The following PRKN variants were observed in gnomAD, a reference collection of about 807,000 sequenced individuals.
PRKN encodes E3 ubiquitin-protein ligase parkin.
PRKN carries 56 observed loss-of-function variants against 59.5 expected under a neutral mutation model. The ratio of observed to expected loss-of-function variants is 0.94; its 90% CI spans 0.76 to 1.18. The LOEUF is 1.18. Among genes scored for constraint, PRKN ranks in the 50% most tolerant of loss-of-function variants. The pLI, the probability that PRKN is intolerant of heterozygous loss-of-function variation, is 0.00. For synonymous variants in PRKN, 250 were observed against 222.1 expected, an observed-to-expected ratio of 1.13 and a Z score of -1.12; for missense variants, 657 against 596.4, an observed-to-expected ratio of 1.10 and a Z score of -1.06.
intron 4 of PRKN, among the ~76,000 whole-genome samples, chr6:162,088,601 C>T (rs1779351641): frequency 1.3e-5 from 2 of 151,980 alleles, no homozygotes; most frequent in South Asian, 4.1e-4. Context: ...TAAGATTATA[C>T]CAACAAATAG....
chr6:162,211,474 T>C (rs1785194625), intron 3 of PRKN, among the ~76,000 whole-genome samples: 1 of 152,200 alleles, frequency 6.6e-6, no homozygotes, highest in Admixed American at 6.5e-5. Context: ...ATTTCTTTTT[T>C]ATTTTTACAG....
At chr6:162,074,422 T>C (rs989162968) in intron 4 of PRKN, among the ~76,000 whole-genome samples, 9 of 146,362 alleles carry the variant, frequency 6.1e-5, no homozygotes, top group African/African-American at 1.0e-4. Context: ...TAGGTGGGAA[T>C]TGAACAATGA....
intron 6 of PRKN, among the ~76,000 whole-genome samples, chr6:161,791,287 T>C (rs1037017248): frequency 2.0e-5 from 3 of 152,354 alleles, no homozygotes; most frequent in Non-Finnish European, 2.9e-5. Context: ...TTGAAGGAGT[T>C]TGAGTTACAA....
At chr6:161,515,245 G>C (rs475158) in intron 9 of PRKN, among the ~76,000 whole-genome samples, 99,877 of 151,972 alleles carry the variant, frequency 0.66, 32,857 homozygotes, top group Middle Eastern at 0.72. Context: ...CCCCCTTCCT[G>C]TTATCTGAAA....
intron 7 of PRKN, among the ~76,000 whole-genome samples, chr6:161,750,226 T>A (rs1788630460): frequency 6.6e-6 from 1 of 152,066 alleles, no homozygotes; most frequent in South Asian, 2.1e-4. Context: ...CATAGATATG[T>A]TGAGATTTTT....
intron 2 of PRKN, among the ~76,000 whole-genome samples, chr6:162,367,751 T>C (rs1236682411): frequency 1.3e-5 from 2 of 151,978 alleles, no homozygotes; most frequent in East Asian, 3.9e-4. Context: ...TGTTACAAAA[T>C]GTTAGCAGAG....
intron 5 of PRKN, among the ~76,000 whole-genome samples, chr6:162,011,251 A>AGT (rs1234947995): frequency 2.9e-5 from 3 of 101,934 alleles, no homozygotes; most frequent in African/African-American, 7.7e-5. Flanking sequence ...TAATATATAT[A>AGT]ATATAGTATA....
intron 2 of PRKN, among the ~76,000 whole-genome samples, chr6:162,416,643 T>C (rs1788641854): frequency 6.6e-6 from 1 of 152,244 alleles, no homozygotes; most frequent in South Asian, 2.1e-4. Context: ...TTCTAGACTA[T>C]TCCTGTAGTT....
chr6:162,124,913 A>G (rs958690692), intron 4 of PRKN, among the ~76,000 whole-genome samples: 6 of 152,192 alleles, frequency 3.9e-5, no homozygotes, highest in African/African-American at 9.7e-5. Flanking sequence ...ACTAAGAAGG[A>G]ATGAAATCCC....
chr6:162,006,497 G>T (rs1782260146), intron 5 of PRKN, among the ~76,000 whole-genome samples: 1 of 152,106 alleles, frequency 6.6e-6, no homozygotes, highest in African/African-American at 2.4e-5. Context: ...CATTCCACTT[G>T]GAAAACACAA....
chr6:162,470,584 C>G lies in PRKN; in HGVS notation c.8-27111G>C, dbSNP rs1034216495. ...CCAGCCTAGGCAACACTGCGAAACT[C>G]TGTCTCAAAAAAAAGTATGCTTGTG... On this transcript the variant is annotated intron_variant, in intron 1 of 11. Transcript: ENST00000366898. Among the ~76,000 whole-genome samples, 8 of 148,130 alleles carry G rather than the reference C, an allele frequency of 5.4e-5. No individual in the cohort carries two copies. The South Asian group carries it at 1.7e-3, about 31-fold the overall frequency.
Position 161,403,423 on chromosome 6 carries a change from A to G in PRKN, c.1084-16546T>C, listed in dbSNP as rs150473542. On this transcript the variant is annotated intron_variant, in intron 9 of 11. Transcript: ENST00000366898. Reference sequence around the variant, plus strand: ...AGAACCAAATTTTCAAAAGGCTAATAGCTCATAAAGGGCCCTTTACTGTTG... The same window carrying G: ...AGAACCAAATTTTCAAAAGGCTAATGGCTCATAAAGGGCCCTTTACTGTTG... Among the ~76,000 whole-genome samples, 14 of 152,294 alleles carry G rather than the reference A, an allele frequency of 9.2e-5. No homozygotes were observed. The East Asian group carries it at 2.7e-3, about 29-fold the overall frequency.
intron 4 of PRKN, among the ~76,000 whole-genome samples, chr6:162,128,647 T>C (rs1394978660): frequency 6.6e-6 from 1 of 152,184 alleles, no homozygotes; most frequent in Non-Finnish European, 1.5e-5. Flanking sequence ...TCTGAATGTA[T>C]GTATACCTCC....
chr6:161,723,677 C>T (rs1033396377), intron 7 of PRKN, among the ~76,000 whole-genome samples: 1 of 152,200 alleles, frequency 6.6e-6, no homozygotes, highest in Admixed American at 6.5e-5. Context: ...CACTTTACAC[C>T]CAGGGCCACT....
At chr6:162,076,860 A>G (rs9355978) in intron 4 of PRKN, among the ~76,000 whole-genome samples, 124,746 of 152,132 alleles carry the variant, frequency 0.82, 51,355 homozygotes, top group Admixed American at 0.88. Context: ...TAAGCTCTTG[A>G]TTATAAATCA....
chr6:161,748,819 GAA>G (rs1185413911), intron 7 of PRKN, among the ~76,000 whole-genome samples: 1 of 152,170 alleles, frequency 6.6e-6, no homozygotes, highest in South Asian at 2.1e-4. Context: ...GTTGAGAATT[GAA>G]AGTCTCCTTT....
At chr6:161,801,175 A>C (rs966552774) in intron 6 of PRKN, among the ~76,000 whole-genome samples, 10 of 152,176 alleles carry the variant, frequency 6.6e-5, no homozygotes, top group Middle Eastern at 3.2e-3. Flanking sequence ...CCAGCGCTGC[A>C]TAAGTTCCAC....
intron 6 of PRKN, among the ~76,000 whole-genome samples, chr6:161,883,510 T>G (rs73603193): frequency 0.67 from 95,189 of 142,806 alleles, 31,465 homozygotes; most frequent in African/African-American, 0.77. Context: ...GAAGGGAAGG[T>G]GGGGAGGGGA....
At chr6:162,498,311 A>G (rs1227565240) in intron 1 of PRKN, among the ~76,000 whole-genome samples, 1 of 150,730 alleles carries the variant, frequency 6.6e-6, no homozygotes, top group Non-Finnish European at 1.5e-5. Context: ...GTCCTTCCTG[A>G]CACAGGCAAC....
Sources: gnomAD v4.1 joint callset for allele counts (sites outside exome capture counted in the v4.1 genomes callset) on GRCh38, gnomAD v4.1.1 for gene constraint, MANE v1.5 for transcripts, NCBI Gene and HGNC (gene_info 2026-07-23, HGNC 2026-07-21) for gene names.